Variants in L2HGDH observed in about 807,000 individuals in gnomAD.
L2HGDH encodes the protein L-2-hydroxyglutarate dehydrogenase, mitochondrial.
L2HGDH carries 34 observed loss-of-function variants against 51.5 expected under a neutral mutation model. The observed-to-expected ratio is 0.66, with a 90% CI of 0.50 to 0.88. The LOEUF (loss-of-function observed/expected upper bound fraction) is 0.88. Ranked by LOEUF, L2HGDH falls within the 40% of genes least tolerant of loss-of-function variation. The pLI, the probability that L2HGDH is intolerant of heterozygous loss-of-function variation, is 0.00. For missense variants in L2HGDH, 558 were observed against 571.9 expected, an observed-to-expected ratio of 0.98 and a Z score of 0.25; for synonymous variants, 198 against 197.9, an observed-to-expected ratio of 1.00 and a Z score of -0.01.
intron 1 of L2HGDH, among the ~76,000 whole-genome samples, chr14:50,306,171 C>T (rs1002183223): frequency 6.6e-6 from 1 of 151,944 alleles, no homozygotes; most frequent in African/African-American, 2.4e-5. Flanking sequence ...CCACCTCAGC[C>T]TCCCAAGTAG....
chr14:50,304,067 G>C (rs2030587044), intron 1 of L2HGDH, among the ~76,000 whole-genome samples: 1 of 152,154 alleles, frequency 6.6e-6, no homozygotes, highest in South Asian at 2.1e-4. Flanking sequence ...AGATGATATA[G>C]CTTACTGTAC....
At chr14:50,297,460 CAT>C (rs2030127586) in intron 3 of L2HGDH, among the ~76,000 whole-genome samples, 1 of 152,028 alleles carries the variant, frequency 6.6e-6, no homozygotes, top group Admixed American at 6.6e-5. Context: ...AGAAATCAAT[CAT>C]ATTCTATGCA....
intron 9 of L2HGDH, among the ~76,000 whole-genome samples, chr14:50,254,593 G>C (rs1888552440): frequency 6.6e-6 from 1 of 151,936 alleles, no homozygotes; most frequent in South Asian, 2.1e-4. Flanking sequence ...CATTCCCTTT[G>C]CTCCTTCTAG....
chr14:50,299,375 T>C (rs1254975259), intron 3 of L2HGDH, among the ~76,000 whole-genome samples: 1 of 152,222 alleles, frequency 6.6e-6, no homozygotes, highest in Non-Finnish European at 1.5e-5. Flanking sequence ...ATGGCTTCAC[T>C]GCTAAATTTT....
intron 3 of L2HGDH, among the ~76,000 whole-genome samples, chr14:50,300,455 C>T (rs1033218848): frequency 3.3e-5 from 5 of 151,994 alleles, no homozygotes; most frequent in Admixed American, 6.6e-5. Flanking sequence ...CCACCACACC[C>T]GGCTAATTTT....
chr14:50,307,864 A>C (rs2030822315), intron 1 of L2HGDH, among the ~76,000 whole-genome samples: 1 of 152,236 alleles, frequency 6.6e-6, no homozygotes, highest in African/African-American at 2.4e-5. Context: ...TATTCACTTT[A>C]AAACTTTTAG....
chr14:50,293,158 A>G, intron 4 of L2HGDH: 1 of 693,248 alleles, frequency 1.4e-6, no homozygotes, highest in East Asian at 2.7e-5. Context: ...GTAGCACAGA[A>G]GAGGCAATGG....
intron 9 of L2HGDH, among the ~76,000 whole-genome samples, chr14:50,250,692 G>A (rs1043937024): frequency 1.2e-4 from 18 of 152,208 alleles, no homozygotes; most frequent in African/African-American, 4.1e-4. Flanking sequence ...GTTCCAGGGG[G>A]TTTAGCACAG....
chr14:50,296,091 G>T (rs1453581598), intron 3 of L2HGDH, among the ~76,000 whole-genome samples: 2 of 151,952 alleles, frequency 1.3e-5, no homozygotes, highest in Non-Finnish European at 2.9e-5. Flanking sequence ...AATTATAAGG[G>T]CCAGGCACGG....
In L2HGDH at chr14:50,312,101, C is replaced by A; in HGVS notation, c.50G>T (p.Gly17Val). ...CCCAGGGGAGCCACCGGCGAAAAGC[C>A]CGCGGGCCCGTCCGCAGGCACCAAC... is the stretch of plus-strand genomic sequence containing the variant. Reference protein sequence around the residue: ...YLVGACGRARGLFAGGSPGAC... With the variant: ...YLVGACGRARVLFAGGSPGAC... The change falls in exon 1 of 10, where the codon GGG becomes GTG. Residue 17 changes from glycine to valine, a missense_variant. Physicochemically the swap from Gly to Val is moderately radical, Grantham distance 109. Around this residue, in one of 3 missense-constraint regions of L2HGDH, gnomAD observed 194 missense variants for 187.2 expected, o/e 1.04. Coordinates refer to ENST00000267436, the MANE Select transcript of L2HGDH (RefSeq NM_024884.3). The A allele has an allele frequency of 6.2e-7, 1 of 1,608,296 alleles. No homozygotes were observed. Among genetic ancestry groups the A allele is most frequent in the Non-Finnish European group, 8.5e-7 (1 of 1,178,238 alleles).
chr14:50,251,458 C>T (rs558882555), intron 9 of L2HGDH, among the ~76,000 whole-genome samples: 4 of 151,976 alleles, frequency 2.6e-5, no homozygotes, highest in African/African-American at 9.7e-5. Context: ...ATAGTTTATT[C>T]AAAGGGATGA....
At chr14:50,303,063 C>T in intron 1 of L2HGDH, 46 bp from the exon 2 acceptor site, 1 of 1,157,986 alleles carries the variant, frequency 8.6e-7, no homozygotes, top group South Asian at 1.2e-5. Flanking sequence ...TTACAGTAGA[C>T]CTCGCCAAAC....
intron 1 of L2HGDH, among the ~76,000 whole-genome samples, chr14:50,309,285 G>C (rs1035703259): frequency 3.9e-5 from 6 of 152,096 alleles, no homozygotes; most frequent in Non-Finnish European, 5.9e-5. Flanking sequence ...ATTTCAGGCC[G>C]GGTGCAGTGG....
chr14:50,296,099 C>T (rs1338809538), intron 3 of L2HGDH, among the ~76,000 whole-genome samples: 1 of 151,904 alleles, frequency 6.6e-6, no homozygotes, highest in Non-Finnish European at 1.5e-5. Context: ...GGGCCAGGCA[C>T]GGTGGCTCAT....
chr14:50,275,530 CT>C, intron 6 of L2HGDH, among the ~76,000 whole-genome samples: 1 of 152,328 alleles, frequency 6.6e-6, no homozygotes, highest in African/African-American at 2.4e-5. Context: ...AGCATTACTT[CT>C]GATCAGTGAA....
chr14:50,283,934 A>G lies in L2HGDH; in HGVS notation c.640T>C (p.Leu214=). 1.2e-6 allele frequency: 2 copies of G among 1,614,176 alleles called. No individual in the cohort carries two copies. The highest frequency in any genetic ancestry group is 3.3e-5 in the Admixed American group (2 of 60,028). The stretch of plus-strand genomic sequence containing the variant: ...ATACCTTTTACTTCAAAATTGGTCA[A>G]GACAGAGCCACCTGCTTCTTGGAAA... ...QDFQEAGGSV[L]TNFEVKGIEM... Residue 214 remains leucine (L), a synonymous_variant, in exon 5 of 10, where the codon TTG becomes CTG. Coordinates refer to ENST00000267436, the MANE Select transcript of L2HGDH (RefSeq NM_024884.3).
rs554587252 is a variant in L2HGDH at position 50,244,446 on chromosome 14, T to G, written c.*2612A>C. The G allele has an allele frequency of 7.1e-5, 70 of 985,316 alleles. No individual in the cohort carries two copies. The South Asian group carries it at 2.8e-3, about 40-fold the overall frequency. The allele number at this position is 985,316 out of a possible 1,614,324, so 61.0% of individuals were successfully genotyped here. ...TTCAATGTTTACAACTTAGTATGTA[T>G]GCAATCGTACTACTGACAAAATACA... On this transcript the variant is annotated 3_prime_UTR_variant, in exon 10 of 10. Transcript: ENST00000267436.
rs144234504 is a variant in L2HGDH at position 50,290,698 on chromosome 14, C to G, written c.540+3417G>C. Among the ~76,000 whole-genome samples, 388 of 152,096 alleles carry G rather than the reference C, an allele frequency of 2.6e-3. 1 individual carries two copies. The highest frequency in any genetic ancestry group is 8.8e-3 in the African/African-American group (366 of 41,504). ...TTTTTTTTTGAGATGGAGTCTCTCT[C>G]TGTTGCCCAGGCTTGAGTGCAGTGG... On this transcript the variant is annotated intron_variant, in intron 4 of 9. Coordinates refer to ENST00000267436, the MANE Select transcript of L2HGDH (RefSeq NM_024884.3).
chr14:50,268,046 T>G, intron 7 of L2HGDH, 136 bp from the exon 8 acceptor site: 1 of 893,120 alleles, frequency 1.1e-6, no homozygotes, highest in Non-Finnish European at 1.8e-6. Flanking sequence ...CAGATATACT[T>G]TTCCATTAAC....
Sources: allele counts gnomAD v4.1 joint callset (sites outside exome capture counted in the v4.1 genomes callset), GRCh38; gene constraint gnomAD v4.1.1; regional missense constraint gnomAD v4.1.1; transcripts MANE v1.5; gene names NCBI Gene and HGNC (gene_info 2026-07-23, HGNC 2026-07-21).